The following CCSER1 variants were observed in gnomAD, a reference collection of about 807,000 sequenced individuals.
CCSER1 encodes the protein coiled-coil serine rich protein 1.
Under a neutral mutation model 82.0 loss-of-function variants are expected in CCSER1, and 41 were observed. That is an observed-to-expected ratio of 0.50 (90% CI 0.39 to 0.65). The LOEUF (loss-of-function observed/expected upper bound fraction) is 0.65, where lower values mean the gene tolerates loss of function less well. CCSER1 is among the 30% of genes least tolerant of loss of function. The pLI is 0.00. For missense variants in CCSER1, 1,119 were observed against 1,064.2 expected (o/e 1.05, Z -0.72); for synonymous variants, 414 against 383.9 (o/e 1.08, Z -0.92).
chr4:90,443,721 A>G (rs1045478761), intron 4 of CCSER1, among the ~76,000 whole-genome samples: 20 of 152,116 alleles, frequency 1.3e-4, no homozygotes, highest in Non-Finnish European at 2.6e-4. Context: ...TCATACATTA[A>G]TAAAGATTGA....
intron 1 of CCSER1, among the ~76,000 whole-genome samples, chr4:90,298,015 A>G (rs1217624307): frequency 6.6e-6 from 1 of 152,098 alleles, no homozygotes; most frequent in Non-Finnish European, 1.5e-5. Flanking sequence ...TCATAAAATG[A>G]GTTAGGGAGG....
At chr4:90,410,436 C>G (rs113290371) in intron 4 of CCSER1, among the ~76,000 whole-genome samples, 1,549 of 152,236 alleles carry the variant, frequency 0.01, 17 homozygotes, top group South Asian at 0.03. Context: ...ACTGTCTCTC[C>G]GACCACAGTG....
intron 1 of CCSER1, among the ~76,000 whole-genome samples, chr4:90,252,368 T>A (rs992324814): frequency 6.6e-6 from 1 of 152,052 alleles, no homozygotes; most frequent in African/African-American, 2.4e-5. Flanking sequence ...TTTATTTTCT[T>A]CTTCATTAAT....
intron 5 of CCSER1, among the ~76,000 whole-genome samples, chr4:90,545,747 C>T (rs1348710091): frequency 6.6e-6 from 1 of 152,070 alleles, no homozygotes; most frequent in Non-Finnish European, 1.5e-5. Context: ...TCATAGTAAA[C>T]TTCGGAACAT....
At chr4:90,231,991 G>C (rs897030351) in intron 1 of CCSER1, among the ~76,000 whole-genome samples, 51 of 151,788 alleles carry the variant, frequency 3.4e-4, no homozygotes, top group African/African-American at 1.2e-3. Flanking sequence ...ACAAATGGAA[G>C]AACATTCCAT....
intron 6 of CCSER1, among the ~76,000 whole-genome samples, chr4:90,709,990 G>A (rs1740236682): frequency 6.8e-6 from 1 of 146,364 alleles, no homozygotes; most frequent in South Asian, 2.1e-4. Context: ...TCTGACTGGT[G>A]TGAGATGGTA....
chr4:90,555,646 G>A (rs1317804470), intron 5 of CCSER1, among the ~76,000 whole-genome samples: 1 of 151,994 alleles, frequency 6.6e-6, no homozygotes, highest in Non-Finnish European at 1.5e-5. Context: ...TGTAAATGAT[G>A]TGCCTTTATT....
chr4:91,278,001 T>C (rs1291997665), intron 10 of CCSER1, among the ~76,000 whole-genome samples: 6 of 152,102 alleles, frequency 3.9e-5, no homozygotes, highest in Non-Finnish European at 8.8e-5. Flanking sequence ...AAAGTTCCTA[T>C]AGTTATTGAT....
At chr4:91,423,638 A>G (rs935347669) in intron 10 of CCSER1, among the ~76,000 whole-genome samples, 2 of 152,186 alleles carry the variant, frequency 1.3e-5, no homozygotes, top group Non-Finnish European at 2.9e-5. Flanking sequence ...TAAGACACTT[A>G]GCCTCTAGAA....
intron 1 of CCSER1, among the ~76,000 whole-genome samples, chr4:90,190,966 T>C (rs1468261303): frequency 6.6e-6 from 1 of 152,026 alleles, no homozygotes; most frequent in African/African-American, 2.4e-5. Flanking sequence ...GGAAAAGAGC[T>C]TCAAAGTTTA....
intron 7 of CCSER1, among the ~76,000 whole-genome samples, chr4:90,798,240 G>T (rs1756306602): frequency 6.6e-6 from 1 of 152,034 alleles, no homozygotes; most frequent in African/African-American, 2.4e-5. Context: ...CAATTCATGA[G>T]ATTCTTTCCT....
chr4:90,639,241 G>A (rs891608723), intron 6 of CCSER1, among the ~76,000 whole-genome samples: 1 of 151,238 alleles, frequency 6.6e-6, no homozygotes, highest in South Asian at 2.1e-4. Flanking sequence ...AGCATAATGT[G>A]TTGTATTCAT....
At chr4:91,398,596 A>G (rs1159054935) in intron 10 of CCSER1, among the ~76,000 whole-genome samples, 1 of 151,924 alleles carries the variant, frequency 6.6e-6, no homozygotes, top group Non-Finnish European at 1.5e-5. Flanking sequence ...TTCATTAATA[A>G]GAGAGCATAG....
intron 8 of CCSER1, among the ~76,000 whole-genome samples, chr4:90,819,911 A>G (rs969134614): frequency 6.6e-6 from 1 of 152,250 alleles, no homozygotes; most frequent in African/African-American, 2.4e-5. Context: ...TCCTGGGATT[A>G]TGTGCTAGGG....
At chr4:91,306,109 T>C (rs2149246584) in intron 10 of CCSER1, among the ~76,000 whole-genome samples, 1 of 149,128 alleles carries the variant, frequency 6.7e-6, no homozygotes, top group South Asian at 2.1e-4. Flanking sequence ...ACGAAAAAAA[T>C]CCATAACAGA....
At position 90,308,272 on chromosome 4, in the gene CCSER1, C is replaced by A; in HGVS notation, c.-13C>A. ...GCAAAGTTGGCTTTCACAGTGCAAG[C>A]CTTTGATTCCCAATGGGGGACTCAG... On this transcript the variant is annotated 5_prime_UTR_variant, in exon 2 of 11. Transcript: ENST00000509176. The A allele has an allele frequency of 1.3e-6, 2 of 1,552,354 alleles. No homozygotes were observed. The highest frequency in any genetic ancestry group is 1.2e-5 in the South Asian group (1 of 81,020).
chr4:90,548,254 A>G (rs1377739504), intron 5 of CCSER1, among the ~76,000 whole-genome samples: 1 of 152,166 alleles, frequency 6.6e-6, no homozygotes, highest in African/African-American at 2.4e-5. Flanking sequence ...TTAATTTATT[A>G]GCAGTCACTT....
At position 90,616,748 on chromosome 4, in the gene CCSER1, AAAAT is replaced by A. The variant is rs1721358599; in HGVS notation, c.1725-11273_1725-11270del. 2.8e-5 allele frequency among the ~76,000 whole-genome samples: 4 copies of A among 141,278 alleles called. No homozygotes were observed. In the South Asian group the frequency reaches 8.8e-4, roughly 31 times the overall value. 92.7% of individuals were successfully genotyped at this position (141,278 alleles called of 152,430 possible). On this transcript the variant is annotated intron_variant, in intron 5 of 10. Transcript: ENST00000509176. ...ACACACACACACACACAAATAAAAT[AAAAT>A]AAAAGGGAGAGAGAGAAAAAATGTT...
intron 1 of CCSER1, among the ~76,000 whole-genome samples, chr4:90,287,718 A>G (rs1730160372): frequency 6.6e-6 from 1 of 151,994 alleles, no homozygotes; most frequent in African/African-American, 2.4e-5. Flanking sequence ...CAACTTTGAT[A>G]TTAGAAATGA....
Sources: gnomAD v4.1 joint callset for allele counts (sites outside exome capture counted in the v4.1 genomes callset) on GRCh38, gnomAD v4.1.1 for gene constraint, MANE v1.5 for transcripts, NCBI Gene and HGNC (gene_info 2026-07-23, HGNC 2026-07-21) for gene names.